Variants in LAMA3 observed in about 807,000 individuals in gnomAD.
LAMA3 encodes the protein laminin subunit alpha-3.
Under a neutral mutation model 402.0 loss-of-function variants are expected in LAMA3, and 281 were observed. The ratio of observed to expected loss-of-function variants is 0.70; its 90% CI spans 0.63 to 0.77. LAMA3 has a LOEUF of 0.77. LAMA3 is among the 30% of genes least tolerant of loss of function. The probability of loss-of-function intolerance (pLI) is 0.00; values close to 1 mark genes in which losing one functional copy is unlikely to be tolerated. For missense variants in LAMA3, 3,840 were observed against 4,215.5 expected, an observed-to-expected ratio of 0.91 and a Z score of 2.47; for synonymous variants, 1,431 against 1,558.4, an observed-to-expected ratio of 0.92 and a Z score of 1.93.
At chr18:23,791,759 A>G (rs2062661267) in intron 12 of LAMA3, among the ~76,000 whole-genome samples, 1 of 148,414 alleles carries the variant, frequency 6.7e-6, no homozygotes, top group Admixed American at 6.7e-5. Flanking sequence ...AAAAAAAACC[A>G]CAAAACCCCC....
chr18:23,893,366 A>C (rs1213642921), intron 42 of LAMA3, among the ~76,000 whole-genome samples: 1 of 152,088 alleles, frequency 6.6e-6, no homozygotes, highest in Non-Finnish European at 1.5e-5. Flanking sequence ...GTAGCTGAGA[A>C]CCTCAAAACT....
intron 5 of LAMA3, 105 bp from the exon 6 acceptor site, chr18:23,753,616 A>C: frequency 1.2e-6 from 1 of 800,498 alleles, no homozygotes; most frequent in Middle Eastern, 2.2e-4. Flanking sequence ...AGAATACGGA[A>C]TTTTAAAAGG....
At chr18:23,838,297 C>T (rs1014600867) in intron 25 of LAMA3, among the ~76,000 whole-genome samples, 5 of 152,088 alleles carry the variant, frequency 3.3e-5, no homozygotes, top group African/African-American at 7.2e-5. Flanking sequence ...GGAGACAGTT[C>T]CTTCAACAAA....
At position 23,938,813 on chromosome 18, in the gene LAMA3, C is replaced by T. The variant is rs975416272; in HGVS notation, c.8863-410C>T. ...GTGTAAGATGAGAATAACAGGCATG[C>T]TCCCCAAAGGAGGGAGAGAAAGGGG... On this transcript the variant is annotated intron_variant, in intron 67 of 74. Transcript: ENST00000313654. 3.1e-3 allele frequency among the ~76,000 whole-genome samples: 30 copies of T among 9,612 alleles called. No homozygotes were observed. In the East Asian group the frequency reaches 0.2, roughly 66 times the overall value. The allele number at this position is 9,612 out of a possible 152,430, so 6.3% of individuals were successfully genotyped here. A position where few individuals can be genotyped will look rare whatever the true frequency, so the allele number is the denominator to read the frequency against.
intron 55 of LAMA3, among the ~76,000 whole-genome samples, chr18:23,912,172 T>A (rs1180775182): frequency 6.7e-6 from 1 of 148,476 alleles, no homozygotes; most frequent in Non-Finnish European, 1.5e-5. Context: ...CTCACTTTGC[T>A]CCCTAGGCTG....
At chr18:23,943,475 A>G (rs2145501084) in intron 68 of LAMA3, among the ~76,000 whole-genome samples, 1 of 152,304 alleles carries the variant, frequency 6.6e-6, no homozygotes, top group South Asian at 2.1e-4. Flanking sequence ...TAAAACATGG[A>G]CTTTTTATAA....
intron 4 of LAMA3, among the ~76,000 whole-genome samples, chr18:23,750,438 T>G (rs374486749): frequency 2.5e-3 from 80 of 32,446 alleles, no homozygotes; most frequent in African/African-American, 8.4e-3. Flanking sequence ...CACAGTTTTT[T>G]TTTTTTTTTT....
At chr18:23,757,509 C>G (rs1249531831) in intron 6 of LAMA3, among the ~76,000 whole-genome samples, 1 of 151,586 alleles carries the variant, frequency 6.6e-6, no homozygotes, top group African/African-American at 2.4e-5. Context: ...CCTTCTTGGC[C>G]TCGCTCCAGC....
At chr18:23,903,195 T>G (rs1043793831) in intron 49 of LAMA3, 70 bp downstream of exon 49, 20 of 939,286 alleles carry the variant, frequency 2.1e-5, no homozygotes, top group Non-Finnish European at 3.5e-5. Context: ...AACAATGAAA[T>G]GGGCTGACCT....
intron 37 of LAMA3, among the ~76,000 whole-genome samples, chr18:23,868,148 G>A (rs906592913): frequency 6.6e-6 from 1 of 152,098 alleles, no homozygotes; most frequent in Non-Finnish European, 1.5e-5. Flanking sequence ...GCTCACTGGA[G>A]CATTTCAGCT....
At chr18:23,827,235 C>G in intron 22 of LAMA3, 79 bp from the exon 23 acceptor site, 1 of 1,421,838 alleles carries the variant, frequency 7.0e-7, no homozygotes, top group Admixed American at 1.7e-5. Flanking sequence ...GACTGAGAGT[C>G]TTTGGGGATG....
At chr18:23,728,749 C>T (rs527364197) in intron 2 of LAMA3, among the ~76,000 whole-genome samples, 9 of 151,946 alleles carry the variant, frequency 5.9e-5, no homozygotes, top group African/African-American at 9.6e-5. Flanking sequence ...TGAAGGGAAA[C>T]GGCTGGTGCA....
At chr18:23,824,926 T>C (rs2063352110) in intron 21 of LAMA3, among the ~76,000 whole-genome samples, 2 of 152,224 alleles carry the variant, frequency 1.3e-5, no homozygotes, top group Non-Finnish European at 2.9e-5. Context: ...GTCAGAAGTA[T>C]AGACTTTAGC....
chr18:23,938,158 G>T (rs1208459566), intron 67 of LAMA3, among the ~76,000 whole-genome samples: 2 of 152,098 alleles, frequency 1.3e-5, no homozygotes, highest in Non-Finnish European at 2.9e-5. Context: ...GTTTCTCTTC[G>T]TGCTAATATG....
chr18:23,718,368 A>T (rs1333581786), intron 2 of LAMA3, among the ~76,000 whole-genome samples: 1 of 152,140 alleles, frequency 6.6e-6, no homozygotes, highest in Admixed American at 6.5e-5. Context: ...CCATGACTTC[A>T]GCCCCCGCAG....
intron 11 of LAMA3, chr18:23,781,419 A>G (rs2062435301): frequency 2.6e-6 from 1 of 384,900 alleles, no homozygotes; most frequent in Non-Finnish European, 5.2e-6. Flanking sequence ...GCCTAGAATT[A>G]AATGAACCTA....
intron 7 of LAMA3, 43 bp from the exon 8 acceptor site, chr18:23,763,362 A>G (rs765053144): frequency 8.6e-7 from 1 of 1,166,676 alleles, no homozygotes; most frequent in South Asian, 1.2e-5. Flanking sequence ...TAAGCGTCTG[A>G]TAGTAATAAT....
chr18:23,913,030 C>A lies in LAMA3; in HGVS notation c.7329+149C>A, dbSNP rs2081488407. 32 of 765,806 alleles carry A rather than the reference C, an allele frequency of 4.2e-5. No individual in the cohort carries two copies. The South Asian group carries it at 4.9e-4, about 12-fold the overall frequency. The allele number at this position is 765,806 out of a possible 1,614,324, so 47.4% of individuals were successfully genotyped here. The stretch of plus-strand genomic sequence containing the variant: ...ATCGACAAATCCCTCCAGCTTCCTC[C>A]CTGCCCACCTCCCCACTGTGGCAGT... On this transcript the variant is annotated intron_variant, in intron 56 of 74. Coordinates refer to ENST00000313654, the MANE Select transcript of LAMA3 (RefSeq NM_198129.4).
rs373780440 is a variant in LAMA3, at chr18:23,819,911, A to G, written c.2218A>G (p.Asn740Asp). 3.7e-6 allele frequency: 6 copies of G among 1,614,060 alleles called. No homozygotes were observed. The highest frequency in any genetic ancestry group is 5.1e-6 in the Non-Finnish European group (6 of 1,179,934). The change falls in exon 19 of 75, where the codon AAT becomes GAT. Residue 740 changes from asparagine to aspartate, a missense_variant. By Grantham distance (23) the Asn-to-Asp change is conservative. Coordinates refer to ENST00000313654, the MANE Select transcript of LAMA3 (RefSeq NM_198129.4). ...TGAGATTGAAGACGGCAGCACACCT[A>G]ATGGGAGAGACCTTCGATTTGGATT... ...KYEIEDGSTP[N>D]GRDLRFGFDP...
Sources: allele counts gnomAD v4.1 joint callset (sites outside exome capture counted in the v4.1 genomes callset), GRCh38; gene constraint gnomAD v4.1.1; transcripts MANE v1.5; gene names NCBI Gene and HGNC (gene_info 2026-07-23, HGNC 2026-07-21).